The following OXR1 variants were observed in gnomAD, a reference collection of about 807,000 sequenced individuals.
OXR1 encodes the protein oxidation resistance 1, also known as oxidation resistance protein 1.
OXR1 carries 41 observed loss-of-function variants against 104.6 expected under a neutral mutation model. The observed-to-expected ratio is 0.39, with a 90% CI of 0.31 to 0.51. The LOEUF is 0.51. Among genes scored for constraint, OXR1 ranks in the 20% least tolerant of loss-of-function variants. The probability of loss-of-function intolerance (pLI) is 0.77; values close to 1 mark genes in which losing one functional copy is unlikely to be tolerated. For missense variants in OXR1, 955 were observed against 1,031.9 expected, an observed-to-expected ratio of 0.93 and a Z score of 1.02; for synonymous variants, 348 against 348.4, an observed-to-expected ratio of 1.00 and a Z score of 0.01.
intron 1 of OXR1, among the ~76,000 whole-genome samples, chr8:106,349,061 T>G (rs1354376754): frequency 6.6e-6 from 1 of 152,176 alleles, no homozygotes; most frequent in Non-Finnish European, 1.5e-5. Flanking sequence ...ATGTGCAAAC[T>G]GTGTACCAGG....
At position 106,383,525 on chromosome 8, in the gene OXR1, A is replaced by C. The variant is rs188687097; in HGVS notation, c.23+23889A>C. 2.0e-3 allele frequency among the ~76,000 whole-genome samples: 302 copies of C among 152,328 alleles called. 4 individuals are homozygous for C. Among genetic ancestry groups the C allele is most frequent in the Admixed American group, 0.019 (288 of 15,288 alleles). On this transcript the variant is annotated intron_variant, in intron 2 of 16. Coordinates refer to ENST00000517566, the MANE Select transcript of OXR1 (RefSeq NM_001198533.2). Reference sequence around the variant, plus strand: ...TTGATGCAATGCTCACAAATCTATAAGGATTATTTTGCATGTGTTTGATTA... The same window carrying C: ...TTGATGCAATGCTCACAAATCTATACGGATTATTTTGCATGTGTTTGATTA...
At chr8:106,381,900 A>G (rs555428724) in intron 2 of OXR1, among the ~76,000 whole-genome samples, 34 of 152,324 alleles carry the variant, frequency 2.2e-4, no homozygotes, top group South Asian at 4.1e-4. Flanking sequence ...TCCAGGTGGC[A>G]TATAAAAGTG....
In OXR1 at chr8:106,740,699, G is replaced by A. The variant is rs576858023; in HGVS notation, c.2316+204G>A. ...TGATTAAGAATTACTGCCTTCAAAG[G>A]GATTATAGAGTGGTAGAAAAGAACA... On this transcript the variant is annotated intron_variant, in intron 14 of 16. Coordinates refer to ENST00000517566, the MANE Select transcript of OXR1 (RefSeq NM_001198533.2). 6.6e-5 allele frequency among the ~76,000 whole-genome samples: 10 copies of A among 152,168 alleles called. No individual in the cohort carries two copies. In the South Asian group the frequency reaches 1.0e-3, roughly 16 times the overall value.
intron 2 of OXR1, among the ~76,000 whole-genome samples, chr8:106,416,299 CACAAAAAATCAGTT>C (rs1259554368): frequency 1.5e-4 from 23 of 152,074 alleles, no homozygotes; most frequent in African/African-American, 5.3e-4. Flanking sequence ...TCTGGTTTAA[CACAAAAAATCAGTT>C]ACAAACAGAT....
chr8:106,509,906 G>A (rs1167579770), intron 2 of OXR1, among the ~76,000 whole-genome samples: 1 of 152,116 alleles, frequency 6.6e-6, no homozygotes, highest in African/African-American at 2.4e-5. Flanking sequence ...TGAGTAGCTG[G>A]CACTACAGGT....
At chr8:106,312,878 G>T (rs190186481) in intron 1 of OXR1, among the ~76,000 whole-genome samples, 1 of 152,094 alleles carries the variant, frequency 6.6e-6, no homozygotes, top group Non-Finnish European at 1.5e-5. Context: ...TTGTGTATGT[G>T]TCCAGTGTTT....
At chr8:106,399,880 A>G (rs971311248) in intron 2 of OXR1, among the ~76,000 whole-genome samples, 3 of 152,188 alleles carry the variant, frequency 2.0e-5, no homozygotes, top group Admixed American at 2.0e-4. Flanking sequence ...TCTCTATGAT[A>G]AGATAAAGGG....
intron 2 of OXR1, among the ~76,000 whole-genome samples, chr8:106,417,791 G>A (rs1818739424): frequency 6.6e-6 from 1 of 152,114 alleles, no homozygotes; most frequent in South Asian, 2.1e-4. Flanking sequence ...GGAAATAGAT[G>A]GCACTCTCAA....
intron 2 of OXR1, among the ~76,000 whole-genome samples, chr8:106,390,629 T>C (rs1817555776): frequency 6.6e-6 from 1 of 152,212 alleles, no homozygotes; most frequent in Admixed American, 6.5e-5. Flanking sequence ...ACATACAGTA[T>C]CATTACGTTA....
At chr8:106,463,988 T>C (rs1484600028) in intron 2 of OXR1, among the ~76,000 whole-genome samples, 1 of 152,114 alleles carries the variant, frequency 6.6e-6, no homozygotes, top group Non-Finnish European at 1.5e-5. Flanking sequence ...ATCGTTCCAA[T>C]TGCAGAATGT....
At chr8:106,507,157 G>A (rs1260938703) in intron 2 of OXR1, among the ~76,000 whole-genome samples, 1 of 152,146 alleles carries the variant, frequency 6.6e-6, no homozygotes, top group African/African-American at 2.4e-5. Flanking sequence ...ATTATGTCAG[G>A]GAATCTATGA....
chr8:106,662,257 A>G (rs1209954046), intron 3 of OXR1, among the ~76,000 whole-genome samples: 1 of 152,224 alleles, frequency 6.6e-6, no homozygotes, highest in Non-Finnish European at 1.5e-5. Flanking sequence ...GTGTGTGTAT[A>G]TCAATAGAGT....
At chr8:106,676,169 T>A (rs1827570380) in intron 3 of OXR1, among the ~76,000 whole-genome samples, 1 of 152,100 alleles carries the variant, frequency 6.6e-6, no homozygotes, top group South Asian at 2.1e-4. Context: ...ATTGGCGGAT[T>A]TTTCTGCGTA....
intron 2 of OXR1, among the ~76,000 whole-genome samples, chr8:106,489,157 T>G (rs1355640070): frequency 6.7e-6 from 1 of 150,282 alleles, no homozygotes; most frequent in Admixed American, 6.7e-5. Flanking sequence ...GTAAGTTGGA[T>G]TCCTAGGTAT....
chr8:106,408,758 A>T (rs1363264100), intron 2 of OXR1, among the ~76,000 whole-genome samples: 1 of 151,978 alleles, frequency 6.6e-6, no homozygotes, highest in African/African-American at 2.4e-5. Context: ...TGAAATGACT[A>T]CTCCAGACAC....
rs1335390514 is a variant in OXR1 at position 106,694,578 on chromosome 8, A to AATAT, written c.675+1703_675+1704insATAT. ...TATGTTTATATATATTTGATATATAAATGTTTATATATATTTGATATATAA... is the reference window on the plus strand; with the variant it reads ...TATGTTTATATATATTTGATATATAAATATATGTTTATATATATTTGATATATAA... On this transcript the variant is annotated intron_variant, in intron 7 of 16. Transcript: ENST00000517566. Among the ~76,000 whole-genome samples, 777 of 97,518 alleles carry AATAT rather than the reference A, an allele frequency of 8.0e-3. 13 individuals carry two copies. The highest frequency in any genetic ancestry group is 0.011 in the Non-Finnish European group (582 of 51,538). 64.0% of individuals were successfully genotyped at this position (97,518 alleles called of 152,430 possible).
chr8:106,549,363 T>A (rs1470523504), intron 3 of OXR1, among the ~76,000 whole-genome samples: 2 of 151,986 alleles, frequency 1.3e-5, no homozygotes, highest in Non-Finnish European at 2.9e-5. Flanking sequence ...AGACTAGACA[T>A]ATAGGAAATA....
At chr8:106,414,291 C>G (rs1323090444) in intron 2 of OXR1, among the ~76,000 whole-genome samples, 1 of 152,082 alleles carries the variant, frequency 6.6e-6, no homozygotes, top group Non-Finnish European at 1.5e-5. Context: ...AGACCATGAT[C>G]AGCTCCCAGT....
At chr8:106,608,340 T>A (rs949050233) in intron 3 of OXR1, among the ~76,000 whole-genome samples, 1 of 151,800 alleles carries the variant, frequency 6.6e-6, no homozygotes, top group Non-Finnish European at 1.5e-5. Flanking sequence ...GAAAAAAAAA[T>A]CCATTTTATC....
Sources: allele counts gnomAD v4.1 joint callset (sites outside exome capture counted in the v4.1 genomes callset), GRCh38; gene constraint gnomAD v4.1.1; transcripts MANE v1.5; gene names NCBI Gene and HGNC (gene_info 2026-07-23, HGNC 2026-07-21).